Variants in IPO11 observed in about 807,000 individuals in gnomAD.
IPO11 encodes importin 11.
Under a neutral mutation model 143.2 loss-of-function variants are expected in IPO11, and 66 were observed. That is an observed-to-expected ratio of 0.46 (90% confidence interval 0.38 to 0.57). IPO11 has a LOEUF of 0.57. Ranked by LOEUF, IPO11 falls within the 20% of genes least tolerant of loss-of-function variation. IPO11 has a pLI of 0.00. For synonymous variants in IPO11, 385 were observed against 377.8 expected, an observed-to-expected ratio of 1.02 and a Z score of -0.22; for missense variants, 1,026 against 1,141.0, an observed-to-expected ratio of 0.90 and a Z score of 1.45.
chr5:62,543,376 C>G (rs1419671231), intron 24 of IPO11, among the ~76,000 whole-genome samples: 1 of 152,220 alleles, frequency 6.6e-6, no homozygotes, highest in East Asian at 1.9e-4. Flanking sequence ...TGTTATTGGT[C>G]TATTCAGGGA....
chr5:62,524,249 G>A (rs766288812), intron 20 of IPO11, among the ~76,000 whole-genome samples: 2 of 152,042 alleles, frequency 1.3e-5, no homozygotes, highest in African/African-American at 2.4e-5. Flanking sequence ...GATTAAGACA[G>A]TGTGTTATAT....
At chr5:62,569,235 C>G (rs1446793929) in intron 27 of IPO11, among the ~76,000 whole-genome samples, 1 of 152,150 alleles carries the variant, frequency 6.6e-6, no homozygotes, top group African/African-American at 2.4e-5. Flanking sequence ...CTGTCTCTGC[C>G]CTTTACTGCC....
At chr5:62,603,220 AGC>A (rs1347998763) in intron 29 of IPO11, among the ~76,000 whole-genome samples, 4 of 152,324 alleles carry the variant, frequency 2.6e-5, no homozygotes, top group Admixed American at 1.3e-4. Context: ...AGTAAGTGTG[AGC>A]TATATATACG....
intron 3 of IPO11, among the ~76,000 whole-genome samples, chr5:62,448,604 G>A (rs996943727): frequency 2.0e-5 from 3 of 152,238 alleles, no homozygotes; most frequent in Non-Finnish European, 2.9e-5. Context: ...AGGCTGGAAT[G>A]CAGTGGCACA....
rs1742259488 is a variant in IPO11, at chr5:62,523,230, C to T, written c.1897-2912C>T. Among the ~76,000 whole-genome samples the T allele has an allele frequency of 2.0e-5, 3 of 151,826 alleles. No individual in the cohort carries two copies. In the South Asian group the frequency reaches 6.2e-4, roughly 32 times the overall value. ...CTTTTTTTTTAAATCCTCCTGTATC[C>T]TTTTAGTTGGCTTTGGGAAAGAACA... On this transcript the variant is annotated intron_variant, in intron 20 of 29. Coordinates refer to ENST00000325324, the MANE Select transcript of IPO11 (RefSeq NM_016338.5).
At position 62,588,801 on chromosome 5, in the gene IPO11, G is replaced by C. The variant is rs114910098; in HGVS notation, c.2583-2776G>C. On this transcript the variant is annotated intron_variant, in intron 27 of 29. Transcript: ENST00000325324. Reference sequence around the variant, plus strand: ...AAAATGATAGAAGTGTACAGATCGGGGCTGTTACAAATCTAGGGCATTCAA... The same window carrying C: ...AAAATGATAGAAGTGTACAGATCGGCGCTGTTACAAATCTAGGGCATTCAA... Among the ~76,000 whole-genome samples the C allele has an allele frequency of 4.6e-3, 707 of 152,234 alleles. 7 individuals carry two copies. Among genetic ancestry groups the C allele is most frequent in the African/African-American group, 0.016 (683 of 41,526 alleles).
chr5:62,578,562 A>G (rs1744409157), intron 27 of IPO11: 4 of 320,636 alleles, frequency 1.2e-5, no homozygotes, highest in Non-Finnish European at 2.4e-5. Flanking sequence ...GTATCCTTTA[A>G]AAACTATTAT....
At chr5:62,584,490 G>A (rs911068782) in intron 27 of IPO11, among the ~76,000 whole-genome samples, 7 of 151,728 alleles carry the variant, frequency 4.6e-5, no homozygotes, top group African/African-American at 9.7e-5. Flanking sequence ...GCCTGTGCCC[G>A]TAGTCCTAGC....
At position 62,490,173 on chromosome 5, in the gene IPO11, G is replaced by A; in HGVS notation, c.1416G>A (p.Gln472=). ...TCTTTGACAGTGTTGATTTTGATCAGTGGTTTAAAAACCAGCTTCTTCCAG... is the reference window on the plus strand; with the variant it reads ...TCTTTGACAGTGTTGATTTTGATCAATGGTTTAAAAACCAGCTTCTTCCAG... ...YELFDSVDFD[Q]WFKNQLLPEL... is the part of the protein sequence containing the mutation. Residue 472 remains glutamine, a synonymous_variant, in exon 15 of 30, where the codon CAG becomes CAA. Coordinates refer to ENST00000325324, the MANE Select transcript of IPO11 (RefSeq NM_016338.5). The A allele has an allele frequency of 5.6e-6, 9 of 1,605,708 alleles. No homozygotes were observed. The highest frequency in any genetic ancestry group is 7.7e-6 in the Non-Finnish European group (9 of 1,175,966).
chr5:62,540,461 G>T (rs545746244), intron 24 of IPO11, among the ~76,000 whole-genome samples: 1 of 152,194 alleles, frequency 6.6e-6, no homozygotes, highest in East Asian at 1.9e-4. Context: ...CCCTCTTTTG[G>T]CTTTTCTGCA....
At chr5:62,463,157 T>C (rs1745432737) in intron 5 of IPO11, among the ~76,000 whole-genome samples, 1 of 152,060 alleles carries the variant, frequency 6.6e-6, no homozygotes, top group Non-Finnish European at 1.5e-5. Context: ...TCCTCCCACC[T>C]CAGCCTTGCA....
chr5:62,535,271 T>C (rs1561352586), intron 22 of IPO11, among the ~76,000 whole-genome samples: 1 of 152,014 alleles, frequency 6.6e-6, no homozygotes, highest in Non-Finnish European at 1.5e-5. Context: ...TACTTGGCAA[T>C]GATTTCAAAA....
At chr5:62,619,155 G>A (rs1489995913) in intron 29 of IPO11, among the ~76,000 whole-genome samples, 2 of 152,172 alleles carry the variant, frequency 1.3e-5, no homozygotes, top group Non-Finnish European at 2.9e-5. Context: ...CCTGAACCCA[G>A]GAGGCGGAGG....
At chr5:62,560,112 T>C (rs549403591) in intron 26 of IPO11, among the ~76,000 whole-genome samples, 1 of 152,180 alleles carries the variant, frequency 6.6e-6, no homozygotes, top group African/African-American at 2.4e-5. Context: ...GAATGCCATA[T>C]GCAGCATAGA....
chr5:62,441,735 C>CG (rs1744488358), intron 2 of IPO11, among the ~76,000 whole-genome samples: 1 of 149,728 alleles, frequency 6.7e-6, no homozygotes. Flanking sequence ...AGGCTGGTCT[C>CG]GAACTCCTGA....
chr5:62,603,102 A>G (rs1306249331), intron 29 of IPO11, among the ~76,000 whole-genome samples: 1 of 152,230 alleles, frequency 6.6e-6, no homozygotes, highest in Non-Finnish European at 1.5e-5. Context: ...TAGTTGTACC[A>G]TGGGCTAATT....
rs370810414 is a variant in IPO11, at chr5:62,548,428, AT to A, written c.2251-1935del. Among the ~76,000 whole-genome samples, 122 of 152,060 alleles carry A rather than the reference AT, an allele frequency of 8.0e-4. 1 individual carries two copies. The highest frequency in any genetic ancestry group is 2.7e-3 in the African/African-American group (112 of 41,492). ...TGCTGCTTGTTCCTGTTGTTATGAA[AT>A]TTTAGAATGAGGTGCCGTAATGTAA... is the stretch of plus-strand genomic sequence containing the variant. On this transcript the variant is annotated intron_variant, in intron 24 of 29. Transcript: ENST00000325324.
At chr5:62,605,722 T>C (rs1437779578) in intron 29 of IPO11, among the ~76,000 whole-genome samples, 3 of 149,924 alleles carry the variant, frequency 2.0e-5, no homozygotes, top group Non-Finnish European at 4.4e-5. Context: ...AGTATTATTA[T>C]TATTATTATT....
chr5:62,588,190 CT>C (rs758992546), intron 27 of IPO11, among the ~76,000 whole-genome samples: 117 of 151,938 alleles, frequency 7.7e-4, no homozygotes, highest in Admixed American at 2.0e-3. Flanking sequence ...CTTATTATAA[CT>C]TCACATTTTC....
Sources: gnomAD v4.1 joint callset for allele counts (sites outside exome capture counted in the v4.1 genomes callset) on GRCh38, gnomAD v4.1.1 for gene constraint, MANE v1.5 for transcripts, NCBI Gene and HGNC (gene_info 2026-07-23, HGNC 2026-07-21) for gene names.